Variants in C1orf50 observed in about 807,000 individuals in gnomAD.
The protein encoded by C1orf50 is uncharacterized protein C1orf50.
C1orf50 carries 22 observed loss-of-function variants against 23.3 expected under a neutral mutation model. The ratio of observed to expected loss-of-function variants is 0.94; its 90% CI spans 0.67 to 1.35. The LOEUF is 1.35. Ranked by LOEUF, C1orf50 falls within the 40% of genes most tolerant of loss-of-function variation. C1orf50 has a pLI of 0.00. For synonymous variants in C1orf50, 96 were observed against 102.4 expected, an observed-to-expected ratio of 0.94 and a Z score of 0.38; for missense variants, 271 against 249.4, an observed-to-expected ratio of 1.09 and a Z score of -0.58.
At position 42,775,410 on chromosome 1, in the gene C1orf50, A is replaced by G. The variant is rs755691908; in HGVS notation, c.*16A>G. 1.3e-6 allele frequency: 2 copies of G among 1,566,784 alleles called. No individual in the cohort carries two copies. The highest frequency in any genetic ancestry group is 2.3e-5 in the East Asian group (1 of 43,924). ...GACTCACTGAGAGTGGGCTTTGACA[A>G]ACAGCTCTCACAGGACCTGGCTGTC... is the stretch of plus-strand genomic sequence containing the variant. On this transcript the variant is annotated 3_prime_UTR_variant, in exon 5 of 5. Transcript: ENST00000372525.
rs981329042 is a variant in C1orf50, at chr1:42,775,776, A to G, written c.*382A>G. The G allele has an allele frequency of 6.8e-6, 1 of 146,948 alleles. No homozygotes were observed. The highest frequency in any genetic ancestry group is 2.5e-5 in the African/African-American group (1 of 39,980). The allele number at this position is 146,948 out of a possible 1,614,324, so 9.1% of individuals were successfully genotyped here. ...TTTTCAGTCTTTTATATATATATAT[A>G]TATATATATAACTGGTAGTATTTAA... On this transcript the variant is annotated 3_prime_UTR_variant, in exon 5 of 5. Coordinates refer to ENST00000372525, the MANE Select transcript of C1orf50 (RefSeq NM_024097.4).
At position 42,775,691 on chromosome 1, in the gene C1orf50, G is replaced by T; in HGVS notation, c.*297G>T. On this transcript the variant is annotated 3_prime_UTR_variant, in exon 5 of 5. Coordinates refer to ENST00000372525, the MANE Select transcript of C1orf50 (RefSeq NM_024097.4). ...CCATCACTTCTTCCCTTAAGTTAAA[G>T]TGTTAGAGAAGACCTTCTTCCCATA... The T allele has an allele frequency of 4.9e-6, 1 of 203,652 alleles. No individual in the cohort carries two copies. Among genetic ancestry groups the T allele is most frequent in the Non-Finnish European group, 9.8e-6 (1 of 102,204 alleles). 12.6% of individuals were successfully genotyped at this position (203,652 alleles called of 1,614,324 possible).
rs564976605 is a variant in C1orf50 at position 42,768,080 on chromosome 1, C to T, written c.195+456C>T. Among the ~76,000 whole-genome samples, 3 of 152,302 alleles carry T rather than the reference C, an allele frequency of 2.0e-5. No individual in the cohort carries two copies. The East Asian group carries it at 5.8e-4, about 29-fold the overall frequency. ...GACTCCAAGTTTAGTCCTCATTAAA[C>T]ACAGTATTCCCAAGCCCAGTGTTTA... On this transcript the variant is annotated intron_variant, in intron 2 of 4. Transcript: ENST00000372525.
rs1653353677 is a variant in C1orf50 at position 42,776,972 on chromosome 1, C to T, written c.*1578C>T. The stretch of plus-strand genomic sequence containing the variant: ...CACCATTTCATTGAGTCCTCTGCTT[C>T]ACAGTTTCTCTGAAACCCTGGAAGG... On this transcript the variant is annotated 3_prime_UTR_variant, in exon 5 of 5. Coordinates refer to ENST00000372525, the MANE Select transcript of C1orf50 (RefSeq NM_024097.4). 6.6e-6 allele frequency: 1 copy of T among 152,242 alleles called. No homozygotes were observed. Among genetic ancestry groups the T allele is most frequent in the Non-Finnish European group, 1.5e-5 (1 of 68,054 alleles). The allele number at this position is 152,242 out of a possible 1,614,324, so 9.4% of individuals were successfully genotyped here.
At chr1:42,771,465 G>C (rs1570493249) in intron 2 of C1orf50, among the ~76,000 whole-genome samples, 1 of 152,230 alleles carries the variant, frequency 6.6e-6, no homozygotes, top group East Asian at 1.9e-4. Flanking sequence ...TACAGATGAA[G>C]TATTTCTGAT....
rs1653319900 is a variant in C1orf50, at chr1:42,775,548, A to G, written c.*154A>G. 5 of 610,048 alleles carry G rather than the reference A, an allele frequency of 8.2e-6. No homozygotes were observed. In the South Asian group the frequency reaches 1.4e-4, roughly 17 times the overall value. The allele number at this position is 610,048 out of a possible 1,614,324, so 37.8% of individuals were successfully genotyped here. On this transcript the variant is annotated 3_prime_UTR_variant, in exon 5 of 5. Transcript: ENST00000372525. ...GTAAATGCTGTCATTATGACTTTTA[A>G]TTGGGATGGGAATAATCATTGAGAC... is the stretch of plus-strand genomic sequence containing the variant.
intron 3 of C1orf50, 113 bp downstream of exon 3, chr1:42,773,762 TAG>T: frequency 1.6e-6 from 1 of 638,684 alleles, no homozygotes; most frequent in South Asian, 1.9e-5. Flanking sequence ...CCTAGAAATG[TAG>T]AGGTGTTGAG....
chr1:42,774,986 T>C, intron 4 of C1orf50, 118 bp downstream of exon 4: 2 of 1,292,088 alleles, frequency 1.5e-6, no homozygotes, highest in Non-Finnish European at 2.1e-6. Flanking sequence ...TTGGGGGTGA[T>C]GTGAGCCCAG....
intron 2 of C1orf50, among the ~76,000 whole-genome samples, chr1:42,771,434 A>G (rs1239244417): frequency 2.6e-5 from 4 of 152,240 alleles, no homozygotes; most frequent in African/African-American, 7.2e-5. Context: ...TTTTTCACAT[A>G]TAAATTTTAT....
intron 2 of C1orf50, among the ~76,000 whole-genome samples, chr1:42,769,080 A>C (rs1653160885): frequency 6.6e-6 from 1 of 152,060 alleles, no homozygotes; most frequent in South Asian, 2.1e-4. Flanking sequence ...TCTGGCCAAC[A>C]TGGTGAAACC....
rs745393568 is a variant in C1orf50, at chr1:42,767,363, G to A, written c.52G>A (p.Gly18Arg). 2.3e-5 allele frequency: 35 copies of A among 1,539,500 alleles called. No homozygotes were observed. The highest frequency in any genetic ancestry group is 2.0e-4 in the Middle Eastern group (1 of 5,024). ...GRTEGVLERQGAPPAAGQGGA... is the reference protein window; with the variant it reads ...GRTEGVLERQRAPPAAGQGGA... ...GACCGAGGGGGTCCTTGAAAGGCAA[G>A]GAGCGCCGCCAGCTGCAGGCCAGGG... Residue 18 changes from glycine (G) to arginine (R), a missense_variant, in exon 1 of 5, where the codon GGA becomes AGA. Gly to Arg is a moderately radical substitution (Grantham distance 125). Transcript: ENST00000372525.
In C1orf50 at chr1:42,777,832, G is replaced by A. The variant is rs115888574; in HGVS notation, c.*2438G>A. ...CAAAGTCACAGATCTGCACTTGACT[G>A]TCAACTCTGACAAGACAGCCTCCCA... is the stretch of plus-strand genomic sequence containing the variant. On this transcript the variant is annotated 3_prime_UTR_variant, in exon 5 of 5. Transcript: ENST00000372525. 0.012 allele frequency: 1,802 copies of A among 152,162 alleles called. 60 individuals carry two copies. The highest frequency in any genetic ancestry group is 0.11 in the South Asian group (542 of 4,816). 9.4% of individuals were successfully genotyped at this position (152,162 alleles called of 1,614,324 possible). A position where few individuals can be genotyped will look rare whatever the true frequency, so the allele number is the denominator to read the frequency against.
At chr1:42,768,826 G>A (rs2124184305) in intron 2 of C1orf50, among the ~76,000 whole-genome samples, 1 of 151,926 alleles carries the variant, frequency 6.6e-6, no homozygotes, top group Non-Finnish European at 1.5e-5. Flanking sequence ...CACAGTTTTT[G>A]TCTTTCATCC....
rs1357260035 is a variant in C1orf50 at position 42,774,717 on chromosome 1, T to C, written c.283-20T>C. ...CTGTTATCTCCAATACCTAATTTGT[T>C]ACATATCTGTGATTCATAGGTACTG... is the stretch of plus-strand genomic sequence containing the variant. On this transcript the variant is annotated intron_variant, in intron 3 of 4. Transcript: ENST00000372525. The C allele has an allele frequency of 6.3e-7, 1 of 1,585,824 alleles. No individual in the cohort carries two copies. The highest frequency in any genetic ancestry group is 1.7e-5 in the Admixed American group (1 of 58,002).
intron 2 of C1orf50, among the ~76,000 whole-genome samples, chr1:42,768,597 A>C (rs1653143660): frequency 6.6e-6 from 1 of 152,100 alleles, no homozygotes; most frequent in Non-Finnish European, 1.5e-5. Context: ...TCAGATACGC[A>C]GAAAGCTCCT....
chr1:42,772,067 T>G (rs1271760841), intron 2 of C1orf50, among the ~76,000 whole-genome samples: 3 of 152,162 alleles, frequency 2.0e-5, no homozygotes, highest in African/African-American at 7.2e-5. Context: ...GCCTCATATT[T>G]CTGTTGAACG....
intron 2 of C1orf50, among the ~76,000 whole-genome samples, chr1:42,772,737 C>T (rs912583194): frequency 1.8e-4 from 28 of 151,576 alleles, no homozygotes; most frequent in Admixed American, 3.9e-4. Context: ...GCCAAGATTG[C>T]GCCATTGCAC....
rs185864487 is a variant in C1orf50, at chr1:42,768,835, C to T, written c.195+1211C>T. ...AAAGAACACAGTTTTTGTCTTTCAT[C>T]CTATAATCTTATGAAATACAGAGGA... is the stretch of plus-strand genomic sequence containing the variant. On this transcript the variant is annotated intron_variant, in intron 2 of 4. Transcript: ENST00000372525. Among the ~76,000 whole-genome samples the T allele has an allele frequency of 2.5e-3, 374 of 152,204 alleles. 2 individuals are homozygous for T. The highest frequency in any genetic ancestry group is 3.3e-3 in the Non-Finnish European group (225 of 68,002).
chr1:42,768,392 T>G (rs1379229087), intron 2 of C1orf50, among the ~76,000 whole-genome samples: 1 of 152,240 alleles, frequency 6.6e-6, no homozygotes, highest in Non-Finnish European at 1.5e-5. Context: ...TGTCCACAGA[T>G]GGAGGGTCCT....
Sources: gnomAD v4.1 joint callset for allele counts (sites outside exome capture counted in the v4.1 genomes callset) on GRCh38, gnomAD v4.1.1 for gene constraint, MANE v1.5 for transcripts, NCBI Gene and HGNC (gene_info 2026-07-23, HGNC 2026-07-21) for gene names.